CELSR1: variants seen among roughly 807,000 people sequenced by gnomAD.
CELSR1 encodes cadherin EGF LAG seven-pass G-type receptor 1.
A neutral mutation model predicts 249.1 loss-of-function variants in CELSR1; 110 were observed. That is an observed-to-expected ratio of 0.44 (90% CI 0.38 to 0.52). CELSR1 has a LOEUF of 0.52. Ranked by LOEUF, CELSR1 falls within the 20% of genes least tolerant of loss-of-function variation. The pLI is 0.00. For missense variants in CELSR1, 4,109 were observed against 4,296.4 expected (o/e 0.96, Z 1.22); for synonymous variants, 2,113 against 1,900.0 (o/e 1.11, Z -2.92).
chr22:46,378,263 G>C (rs80236037), intron 23 of CELSR1, among the ~76,000 whole-genome samples: 1,718 of 152,354 alleles, frequency 0.011, 30 homozygotes, highest in African/African-American at 0.039. Flanking sequence ...GTGAGGGGCA[G>C]GTTCCGAGAG....
chr22:46,460,016 G>C (rs1020011702), intron 2 of CELSR1, among the ~76,000 whole-genome samples: 1 of 152,196 alleles, frequency 6.6e-6, no homozygotes, highest in Admixed American at 6.5e-5. Context: ...AGACCAGCCT[G>C]GCCAATATAG....
chr22:46,366,986 C>G lies in CELSR1; in HGVS notation c.8205+7G>C. The G allele has an allele frequency of 6.2e-7, 1 of 1,608,192 alleles. No individual in the cohort carries two copies. The highest frequency in any genetic ancestry group is 8.5e-7 in the Non-Finnish European group (1 of 1,178,872). ...CCCAGTCCCGCGGTGTCCCCGGCGC[C>G]TCCTACCGTCAGCAGGGTGGCCCTG... On this transcript the variant is annotated splice_region_variant and intron_variant, in intron 29 of 34. Transcript: ENST00000674500.
Position 46,367,071 on chromosome 22 carries a change from C to G in CELSR1, c.8127G>C (p.Arg2709=). ...CGCCGAGCACGCCCTTCAGGTGCTT[C>G]CGGACCTCCTGGTTGAGCACGCAGT... ...LFHCVLNQEV[R]KHLKGVLGGR... is the part of the protein sequence containing the mutation. The change falls in exon 29 of 35, where the codon CGG becomes CGC. Residue 2709 remains arginine (R), a synonymous_variant. Transcript: ENST00000674500. 1 of 1,611,622 alleles carries G rather than the reference C, an allele frequency of 6.2e-7. No individual in the cohort carries two copies. The highest frequency in any genetic ancestry group is 1.3e-5 in the African/African-American group (1 of 75,028).
At position 46,433,416 on chromosome 22, in the gene CELSR1, C is replaced by T; in HGVS notation, c.4588G>A (p.Val1530Met). 2 of 1,613,912 alleles carry T rather than the reference C, an allele frequency of 1.2e-6. No individual in the cohort carries two copies. The highest frequency in any genetic ancestry group is 1.7e-6 in the Non-Finnish European group (2 of 1,179,900). ...SGVSDGRWHS[V>M]QVQYYNKPNI... ...ACCTTGTTGTAGTACTGCACCTGCA[C>T]AGAGTGCCACCGCCCGTCACTCACA... Residue 1530 changes from valine to methionine, a missense_variant, in exon 5 of 35, where the codon GTG (valine) becomes ATG (methionine). By Grantham distance (21) the Val-to-Met change is conservative. This residue lies in a region of CELSR1 where 453 missense variants were observed against 492.0 expected (regional missense o/e 0.92). Coordinates refer to ENST00000674500, the MANE Select transcript of CELSR1 (RefSeq NM_001378328.1). This position sits in a 1 kb window ranked among gnomAD's most constrained non-coding sequence, Gnocchi z 5.7.
intron 2 of CELSR1, chr22:46,462,814 T>G (rs1602171389): frequency 2.6e-6 from 1 of 387,778 alleles, no homozygotes; most frequent in East Asian, 9.3e-5. Flanking sequence ...TCTTTATTTT[T>G]AAAAACCACC....
intron 1 of CELSR1, among the ~76,000 whole-genome samples, chr22:46,476,478 C>T (rs1243254558): frequency 1.3e-5 from 2 of 151,800 alleles, no homozygotes; most frequent in African/African-American, 4.8e-5. Flanking sequence ...CACCTGTGGT[C>T]CCAGCTACTC....
chr22:46,443,924 A>G (rs965928431), intron 2 of CELSR1, among the ~76,000 whole-genome samples: 2 of 152,238 alleles, frequency 1.3e-5, no homozygotes, highest in Admixed American at 6.5e-5. Context: ...TCCAAGTTCC[A>G]GCCAGTGGCC....
chr22:46,533,512 T>G (rs1158717176), intron 1 of CELSR1, 115 bp downstream of exon 1: 1 of 1,421,968 alleles, frequency 7.0e-7, no homozygotes, highest in African/African-American at 1.4e-5. Flanking sequence ...CTTGCAGAGT[T>G]GCCCGGGCCC....
chr22:46,404,901 T>C lies in CELSR1; in HGVS notation c.5226+4095A>G, dbSNP rs573828005. Among the ~76,000 whole-genome samples, 169 of 152,288 alleles carry C rather than the reference T, an allele frequency of 1.1e-3. 5 individuals are homozygous for C. The South Asian group carries it at 0.033, about 30-fold the overall frequency. ...GTACAGTGGTATAACCTTGGCTCACTGCAACCTCTGCCTCCTGAGTTCGAG... is the reference window on the plus strand; with the variant it reads ...GTACAGTGGTATAACCTTGGCTCACCGCAACCTCTGCCTCCTGAGTTCGAG... On this transcript the variant is annotated intron_variant, in intron 9 of 34. Transcript: ENST00000674500.
chr22:46,422,459 C>T (rs1032151712), intron 5 of CELSR1, among the ~76,000 whole-genome samples: 23 of 150,892 alleles, frequency 1.5e-4, no homozygotes, highest in Admixed American at 6.6e-4. Context: ...CAGGGCCGGG[C>T]GCAGTGGCTC....
rs1569224592 is a variant in CELSR1 at position 46,533,866 on chromosome 22, G to A, written c.3305C>T (p.Pro1102Leu). 6.2e-7 allele frequency: 1 copy of A among 1,613,838 alleles called. No homozygotes were observed. The change falls in exon 1 of 35, where the codon CCC becomes CTC. Residue 1102 changes from proline (P) to leucine (L), a missense_variant. Around this residue, in one of 7 missense-constraint regions of CELSR1, gnomAD observed 886 missense variants for 896.5 expected, o/e 0.99. Coordinates refer to ENST00000674500, the MANE Select transcript of CELSR1 (RefSeq NM_001378328.1). ...GTTGTTGAAGAGGATCTGGAAGTCG[G>A]GCAGCACAGGCGGGTTGTCATTCTG... ...VDQNDNPPVL[P>L]DFQILFNNYV... is the part of the protein sequence containing the mutation.
chr22:46,414,856 C>G (rs1297482510), intron 5 of CELSR1, among the ~76,000 whole-genome samples: 1 of 152,210 alleles, frequency 6.6e-6, no homozygotes, highest in Non-Finnish European at 1.5e-5. Context: ...CTATTTACAA[C>G]TCACAAGAAG....
rs59470297 is a variant in CELSR1, at chr22:46,506,173, C to CAAAA, written c.3544+27450_3544+27453dup. Among the ~76,000 whole-genome samples, 1 of 137,032 alleles carries CAAAA rather than the reference C, an allele frequency of 7.3e-6. No individual in the cohort carries two copies. The highest frequency in any genetic ancestry group is 1.6e-5 in the Non-Finnish European group (1 of 64,148). The allele number at this position is 137,032 out of a possible 152,430, so 89.9% of individuals were successfully genotyped here. ...CAGCCTGGGCGACAGAGACTGTCTCCAAAAAAAAAAAAAAAAAAAAGAAAA... is the reference window on the plus strand; with the variant it reads ...CAGCCTGGGCGACAGAGACTGTCTCCAAAAAAAAAAAAAAAAAAAAAAAAGAAAA... On this transcript the variant is annotated intron_variant, in intron 1 of 34. Coordinates refer to ENST00000674500, the MANE Select transcript of CELSR1 (RefSeq NM_001378328.1). This position sits in a 1 kb window ranked among gnomAD's most constrained non-coding sequence, Gnocchi z 4.1.
chr22:46,463,499 G>C (rs2080056229), intron 2 of CELSR1, among the ~76,000 whole-genome samples: 1 of 148,910 alleles, frequency 6.7e-6, no homozygotes, highest in African/African-American at 2.5e-5. Flanking sequence ...CTGGACAATA[G>C]AGTGAGATCA....
chr22:46,525,869 G>C (rs1014964165), intron 1 of CELSR1, among the ~76,000 whole-genome samples: 9 of 152,254 alleles, frequency 5.9e-5, no homozygotes, highest in African/African-American at 2.2e-4. Flanking sequence ...CAGCGACACT[G>C]GGGCCAGCGT....
At chr22:46,449,386 C>G (rs569426278) in intron 2 of CELSR1, among the ~76,000 whole-genome samples, 5 of 152,024 alleles carry the variant, frequency 3.3e-5, no homozygotes, top group Non-Finnish European at 4.4e-5. Context: ...TCCATCCAAC[C>G]ACCCATCACA....
At position 46,417,237 on chromosome 22, in the gene CELSR1, G is replaced by A. The variant is rs118015765; in HGVS notation, c.4612-5478C>T. ...GCATGGAGACGACAAGCTCTCCCTC[G>A]GAGGCAGCCACTGCAGTTCTCCGAA... On this transcript the variant is annotated intron_variant, in intron 5 of 34. Transcript: ENST00000674500. This position sits in a 1 kb window ranked among gnomAD's most constrained non-coding sequence, Gnocchi z 4.1. 0.028 allele frequency among the ~76,000 whole-genome samples: 4,295 copies of A among 152,292 alleles called. 107 individuals carry two copies. Among genetic ancestry groups the A allele is most frequent in the Non-Finnish European group, 0.043 (2,915 of 68,016 alleles).
chr22:46,363,317 T>G lies in CELSR1; in HGVS notation c.9036-70A>C, dbSNP rs927205661. ...GGTAGCGGCTTGGTGGGGCCCAAGG[T>G]TGTCACACGGGGGGGCAGGATCACC... On this transcript the variant is annotated intron_variant, in intron 34 of 34. Transcript: ENST00000674500. The surrounding 1 kb of genome is among the most constrained non-coding windows in gnomAD (Gnocchi z 4.3). The G allele has an allele frequency of 7.5e-7, 1 of 1,334,658 alleles. No individual in the cohort carries two copies. The highest frequency in any genetic ancestry group is 1.1e-6 in the Non-Finnish European group (1 of 950,890). 82.7% of individuals were successfully genotyped at this position (1,334,658 alleles called of 1,614,324 possible). A position where few individuals can be genotyped will look rare whatever the true frequency, so the allele number is the denominator to read the frequency against.
At chr22:46,496,969 A>G (rs1338515366) in intron 1 of CELSR1, among the ~76,000 whole-genome samples, 1 of 152,338 alleles carries the variant, frequency 6.6e-6, no homozygotes, top group East Asian at 1.9e-4. Flanking sequence ...TATAATGATC[A>G]AGTGTTATGA....
Sources: allele counts gnomAD v4.1 joint callset (sites outside exome capture counted in the v4.1 genomes callset), GRCh38; gene constraint gnomAD v4.1.1; regional missense constraint gnomAD v4.1.1; non-coding constraint Gnocchi (gnomAD v3.1); transcripts MANE v1.5; gene names NCBI Gene and HGNC (gene_info 2026-07-23, HGNC 2026-07-21).